The following DLG2 variants were observed in gnomAD, a reference collection of about 807,000 sequenced individuals.
DLG2 encodes discs large MAGUK scaffold protein 2, also known as disks large homolog 2.
In DLG2, 45 loss-of-function variants were observed where a neutral mutation model predicts 132.5. That is an observed-to-expected ratio of 0.34 (90% CI 0.27 to 0.44). The LOEUF is 0.44. Among genes scored for constraint, DLG2 ranks in the 20% least tolerant of loss-of-function variants. DLG2 has a pLI of 1.00. For missense variants in DLG2, 1,045 were observed against 1,196.9 expected, an observed-to-expected ratio of 0.87 and a Z score of 1.87; for synonymous variants, 424 against 419.6, an observed-to-expected ratio of 1.01 and a Z score of -0.13.
chr11:85,281,980 GGATA>G (rs2078256730), intron 4 of DLG2, among the ~76,000 whole-genome samples: 1 of 151,686 alleles, frequency 6.6e-6, no homozygotes, highest in Non-Finnish European at 1.5e-5. Flanking sequence ...ACAGATGAAT[GGATA>G]AAGAAAATGT....
At chr11:84,676,025 A>T (rs992834552) in intron 6 of DLG2, among the ~76,000 whole-genome samples, 2 of 152,082 alleles carry the variant, frequency 1.3e-5, no homozygotes, top group African/African-American at 2.4e-5. Context: ...GATCTACTTG[A>T]ATCTCATATA....
At chr11:84,582,769 G>A (rs550201211) in intron 6 of DLG2, among the ~76,000 whole-genome samples, 3 of 152,192 alleles carry the variant, frequency 2.0e-5, no homozygotes, top group African/African-American at 2.4e-5. Context: ...CATAAATTAT[G>A]AGACTAGATG....
At chr11:84,641,645 C>T (rs1378097064) in intron 6 of DLG2, among the ~76,000 whole-genome samples, 1 of 152,090 alleles carries the variant, frequency 6.6e-6, no homozygotes, top group Admixed American at 6.5e-5. Context: ...TAAGTGGCTC[C>T]AAGGCCAGAC....
At position 84,928,982 on chromosome 11, in the gene DLG2, GTATATATATATATA is replaced by G. The variant is rs58945482; in HGVS notation, c.357+182665_357+182678del. Among the ~76,000 whole-genome samples, 199 of 49,122 alleles carry G rather than the reference GTATATATATATATA, an allele frequency of 4.1e-3. 4 individuals are homozygous for G. Among genetic ancestry groups the G allele is most frequent in the South Asian group, 0.023 (27 of 1,176 alleles). 32.2% of individuals were successfully genotyped at this position (49,122 alleles called of 152,430 possible). On this transcript the variant is annotated intron_variant, in intron 6 of 27. Coordinates refer to ENST00000376104, the MANE Select transcript of DLG2 (RefSeq NM_001142699.3). ...TATGTGTGTGTGTGTGTGTGTGTGT[GTATATATATATATA>G]TATATATATATATATATATATATAT...
chr11:84,987,410 A>G (rs1395570219), intron 6 of DLG2, among the ~76,000 whole-genome samples: 2 of 151,900 alleles, frequency 1.3e-5, no homozygotes, highest in Non-Finnish European at 2.9e-5. Flanking sequence ...ACAGAATTAG[A>G]AAAAAAAATT....
chr11:84,426,802 G>A (rs1035725312), intron 7 of DLG2, among the ~76,000 whole-genome samples: 2 of 152,114 alleles, frequency 1.3e-5, no homozygotes, highest in African/African-American at 2.4e-5. Flanking sequence ...CAAAGGAGAA[G>A]TGATATGTCT....
At chr11:84,364,781 G>A (rs931411208) in intron 7 of DLG2, among the ~76,000 whole-genome samples, 1 of 152,120 alleles carries the variant, frequency 6.6e-6, no homozygotes, top group Non-Finnish European at 1.5e-5. Context: ...TGTGGTTTTT[G>A]TCTTTGGTTC....
At chr11:83,621,265 T>C (rs1019490760) in intron 19 of DLG2, among the ~76,000 whole-genome samples, 1 of 150,820 alleles carries the variant, frequency 6.6e-6, no homozygotes, top group Admixed American at 6.6e-5. Flanking sequence ...AACGCCATGA[T>C]TTTTTTTTTC....
rs2099213293 is a variant in DLG2 at position 84,502,230 on chromosome 11, C to CT, written c.519+32339_519+32340insA. Among the ~76,000 whole-genome samples the CT allele has an allele frequency of 7.7e-4, 17 of 22,200 alleles. 2 individuals are homozygous for CT. Among genetic ancestry groups the CT allele is most frequent in the Admixed American group, 1.5e-3 (5 of 3,296 alleles). The allele number at this position is 22,200 out of a possible 152,430, so 14.6% of individuals were successfully genotyped here. A position where few individuals can be genotyped will look rare whatever the true frequency, so the allele number is the denominator to read the frequency against. On this transcript the variant is annotated intron_variant, in intron 7 of 27. Coordinates refer to ENST00000376104, the MANE Select transcript of DLG2 (RefSeq NM_001142699.3). ...TCCTTCCTTCCTTCCTTCCTTCCTTCCTTCCTTCCTTCCTTCCTTCCTTCC... is the reference window on the plus strand; with the variant it reads ...TCCTTCCTTCCTTCCTTCCTTCCTTCTCTTCCTTCCTTCCTTCCTTCCTTCC...
chr11:85,601,109 AAAT>A (rs1241206198), intron 2 of DLG2, among the ~76,000 whole-genome samples: 1 of 152,200 alleles, frequency 6.6e-6, no homozygotes, highest in Non-Finnish European at 1.5e-5. Context: ...TGAAAATGAA[AAAT>A]AATTAAGAAT....
At chr11:84,446,853 T>C (rs2099036617) in intron 7 of DLG2, among the ~76,000 whole-genome samples, 1 of 152,146 alleles carries the variant, frequency 6.6e-6, no homozygotes, top group Non-Finnish European at 1.5e-5. Flanking sequence ...AATGCCTTTA[T>C]TGAGTCCCAT....
intron 17 of DLG2, among the ~76,000 whole-genome samples, chr11:83,808,773 C>T (rs575559894): frequency 5.3e-5 from 8 of 152,240 alleles, no homozygotes; most frequent in African/African-American, 1.9e-4. Flanking sequence ...ACACCGTACA[C>T]CATACACTGC....
chr11:85,449,805 T>TTA (rs2092163118), intron 3 of DLG2, among the ~76,000 whole-genome samples: 1 of 151,534 alleles, frequency 6.6e-6, no homozygotes, highest in African/African-American at 2.4e-5. Flanking sequence ...TTTTTTTTTT[T>TTA]AGCTCTAGAC....
At chr11:83,684,670 T>C (rs1044369380) in intron 18 of DLG2, 4 of 152,132 alleles carry the variant, frequency 2.6e-5, no homozygotes, top group Admixed American at 6.6e-5. Flanking sequence ...TTACTTCCTA[T>C]ATGTCTGAAG....
chr11:85,205,146 G>GTATATA lies in DLG2; in HGVS notation c.187-50501_187-50496dup, dbSNP rs376041155. 8.5e-4 allele frequency among the ~76,000 whole-genome samples: 121 copies of GTATATA among 141,676 alleles called. 1 individual carries two copies. The highest frequency in any genetic ancestry group is 3.6e-3 in the Middle Eastern group (1 of 278). The allele number at this position is 141,676 out of a possible 152,430, so 92.9% of individuals were successfully genotyped here. On this transcript the variant is annotated intron_variant, in intron 4 of 27. Transcript: ENST00000376104. ...ATATATAATTCATATATATGTGTGT[G>GTATATA]TATATATATATATATATAGATATAT...
At chr11:85,056,260 A>G (rs1003397695) in intron 6 of DLG2, among the ~76,000 whole-genome samples, 10 of 152,116 alleles carry the variant, frequency 6.6e-5, no homozygotes, top group East Asian at 3.9e-4. Flanking sequence ...CCTTCACTAA[A>G]AAGTTTATTC....
chr11:83,931,114 A>G (rs1358823454), intron 14 of DLG2, among the ~76,000 whole-genome samples: 4 of 152,202 alleles, frequency 2.6e-5, no homozygotes, highest in Non-Finnish European at 5.9e-5. Context: ...TAATACAAAG[A>G]AATAGTATAA....
At chr11:84,280,967 C>T (rs929881514) in intron 7 of DLG2, among the ~76,000 whole-genome samples, 11 of 150,196 alleles carry the variant, frequency 7.3e-5, no homozygotes, top group Admixed American at 1.3e-4. Context: ...GTGATCCGCC[C>T]GCCTCGGCCT....
intron 6 of DLG2, chr11:85,021,031 C>G: frequency 2.6e-6 from 2 of 772,726 alleles, no homozygotes; most frequent in South Asian, 1.3e-5. Flanking sequence ...TTGTTCTGTT[C>G]CTTTTCAATT....
Sources: gnomAD v4.1 joint callset for allele counts (sites outside exome capture counted in the v4.1 genomes callset) on GRCh38, gnomAD v4.1.1 for gene constraint, MANE v1.5 for transcripts, NCBI Gene and HGNC (gene_info 2026-07-23, HGNC 2026-07-21) for gene names.